The following DPYD variants were observed in gnomAD, a reference collection of about 807,000 sequenced individuals.
The protein encoded by DPYD is dihydropyrimidine dehydrogenase [NADP(+)].
In DPYD, 109 loss-of-function variants were observed where a neutral mutation model predicts 116.2. That is an observed-to-expected ratio of 0.94 (90% CI 0.80 to 1.10). The LOEUF is 1.10. Ranked by LOEUF, DPYD falls within the 50% of genes least tolerant of loss-of-function variation. The pLI, the probability that DPYD is intolerant of heterozygous loss-of-function variation, is 0.00. For synonymous variants in DPYD, 440 were observed against 432.0 expected (o/e 1.02, Z -0.23); for missense variants, 1,302 against 1,254.5 (o/e 1.04, Z -0.57).
At chr1:97,823,981 G>T (rs1256022390) in intron 3 of DPYD, among the ~76,000 whole-genome samples, 7 of 150,486 alleles carry the variant, frequency 4.7e-5, no homozygotes, top group African/African-American at 1.7e-4. Context: ...AACTACTTGG[G>T]GTACTTCATC....
At chr1:97,485,377 T>C (rs938839496) in intron 13 of DPYD, among the ~76,000 whole-genome samples, 3 of 152,058 alleles carry the variant, frequency 2.0e-5, no homozygotes, top group Non-Finnish European at 4.4e-5. Flanking sequence ...AATTTTTCTA[T>C]GTTTAGTAGA....
At chr1:97,229,208 AAAAAAAAAAAAG>A (rs1413726762) in intron 19 of DPYD, among the ~76,000 whole-genome samples, 26 of 143,380 alleles carry the variant, frequency 1.8e-4, no homozygotes, top group African/African-American at 6.8e-4. Context: ...CTTCTCAAAA[AAAAAAAAAAAAG>A]AAAAAAAAAA....
intron 18 of DPYD, among the ~76,000 whole-genome samples, chr1:97,289,279 T>A (rs1289058987): frequency 6.6e-6 from 1 of 152,004 alleles, no homozygotes; most frequent in Non-Finnish European, 1.5e-5. Flanking sequence ...CTGGTACCAT[T>A]CCTTCTGAAA....
At chr1:97,826,740 A>G (rs1669261787) in intron 3 of DPYD, among the ~76,000 whole-genome samples, 1 of 152,142 alleles carries the variant, frequency 6.6e-6, no homozygotes, top group Non-Finnish European at 1.5e-5. Flanking sequence ...TTAATTTGCT[A>G]AAATTTTCAA....
chr1:97,896,966 T>A (rs1441721719), intron 1 of DPYD, among the ~76,000 whole-genome samples: 1 of 151,996 alleles, frequency 6.6e-6, no homozygotes, highest in African/African-American at 2.4e-5. Flanking sequence ...AAAAATCATA[T>A]ATCTACCTAT....
At chr1:97,559,394 A>G (rs1365262963) in intron 11 of DPYD, among the ~76,000 whole-genome samples, 1 of 152,144 alleles carries the variant, frequency 6.6e-6, no homozygotes, top group Non-Finnish European at 1.5e-5. Flanking sequence ...AATCAAATGG[A>G]AAAGATTCCC....
chr1:97,853,290 C>T (rs1670659619), intron 2 of DPYD, among the ~76,000 whole-genome samples: 1 of 152,190 alleles, frequency 6.6e-6, no homozygotes, highest in South Asian at 2.1e-4. Context: ...TTAAATCAAT[C>T]CTTCAGAAAC....
intron 5 of DPYD, chr1:97,719,680 C>T (rs1662814380): frequency 1.0e-6 from 1 of 984,126 alleles, no homozygotes; most frequent in South Asian, 4.7e-5. Context: ...AAACCACACA[C>T]TGACCTAGGG....
At chr1:97,122,410 T>A (rs1273324099) in intron 20 of DPYD, among the ~76,000 whole-genome samples, 1 of 152,178 alleles carries the variant, frequency 6.6e-6, no homozygotes, top group African/African-American at 2.4e-5. Flanking sequence ...AGTACTAGGC[T>A]ATAAAGCTTA....
At chr1:97,533,055 T>C (rs1275636548) in intron 12 of DPYD, among the ~76,000 whole-genome samples, 1 of 151,260 alleles carries the variant, frequency 6.6e-6, no homozygotes, top group Non-Finnish European at 1.5e-5. Context: ...TTGCATTAAG[T>C]TTTTTTTTAT....
rs1220608789 is a variant in DPYD at position 97,699,373 on chromosome 1, G to A, written c.658C>T (p.Gln220Ter). ...TACCTTAAACCACCAACATATTCTTGTTTTTCAAATATAGTGATGTCAGAG... is the reference window on the plus strand; with the variant it reads ...TACCTTAAACCACCAACATATTCTTATTTTTCAAATATAGTGATGTCAGAG... Reference protein sequence around the residue: ...GYSDITIFEKQEYVGGLSTSE... With the variant: ...GYSDITIFEK Residue 220 changes from glutamine (Q) to a stop codon, truncating the protein, a stop_gained, in exon 6 of 23, where the codon CAA (glutamine) becomes TAA (stop). Transcript: ENST00000370192. LOFTEE classifies it high-confidence loss of function. 1 of 1,613,524 alleles carries A rather than the reference G, an allele frequency of 6.2e-7. No homozygotes were observed. Among genetic ancestry groups the A allele is most frequent in the South Asian group, 1.1e-5 (1 of 91,062 alleles).
At chr1:97,415,494 G>C (rs1674243233) in intron 14 of DPYD, among the ~76,000 whole-genome samples, 1 of 152,046 alleles carries the variant, frequency 6.6e-6, no homozygotes, top group Non-Finnish European at 1.5e-5. Context: ...GCTAGTTTTT[G>C]TATTTTTGGG....
In DPYD at chr1:97,592,306, C is replaced by T. The variant is rs774022390; in HGVS notation, c.1128+912G>A. Among the ~76,000 whole-genome samples the T allele has an allele frequency of 2.8e-4, 42 of 152,096 alleles. No homozygotes were observed. The Middle Eastern group carries it at 0.014, about 49-fold the overall frequency. ...GAAGTGTGTAGTACATGTAAATAGC[C>T]GATACCTCACCCAAGACTACTCACC... On this transcript the variant is annotated intron_variant, in intron 10 of 22. Coordinates refer to ENST00000370192, the MANE Select transcript of DPYD (RefSeq NM_000110.4).
In DPYD at chr1:97,283,640, G is replaced by A. The variant is rs960907626; in HGVS notation, c.2299+21619C>T. Among the ~76,000 whole-genome samples, 6 of 151,884 alleles carry A rather than the reference G, an allele frequency of 4.0e-5. No individual in the cohort carries two copies. The South Asian group carries it at 6.2e-4, about 16-fold the overall frequency. ...TAATATAACTCAATTTGAAATAAAC[G>A]CTGTATTTACTATGAGTCTTCTACT... On this transcript the variant is annotated intron_variant, in intron 18 of 22. Transcript: ENST00000370192.
chr1:97,684,803 T>A (rs570498812), intron 7 of DPYD, among the ~76,000 whole-genome samples: 1 of 152,236 alleles, frequency 6.6e-6, no homozygotes, highest in African/African-American at 2.4e-5. Flanking sequence ...AGGAAGAAGT[T>A]GAATCCCTGA....
At chr1:97,489,495 T>C (rs941571398) in intron 13 of DPYD, among the ~76,000 whole-genome samples, 2 of 152,172 alleles carry the variant, frequency 1.3e-5, no homozygotes, top group Non-Finnish European at 2.9e-5. Context: ...TTCATAAGAT[T>C]GGCAAATTTT....
intron 3 of DPYD, among the ~76,000 whole-genome samples, chr1:97,824,862 T>C (rs1235618608): frequency 1.3e-5 from 2 of 152,224 alleles, no homozygotes; most frequent in East Asian, 1.9e-4. Context: ...TTGGAAATCA[T>C]ATGCCTTCCC....
intron 16 of DPYD, among the ~76,000 whole-genome samples, chr1:97,357,002 T>G (rs1449970260): frequency 6.6e-6 from 1 of 152,124 alleles, no homozygotes; most frequent in Non-Finnish European, 1.5e-5. Context: ...CTATTCAGGG[T>G]TTTTTTGCAG....
chr1:97,546,512 C>A (rs1650878515), intron 12 of DPYD: 2 of 1,600,014 alleles, frequency 1.2e-6, no homozygotes, highest in Non-Finnish European at 1.7e-6. Context: ...GATGATGAAG[C>A]AGAGTGGCAA....
Sources: allele counts gnomAD v4.1 joint callset (sites outside exome capture counted in the v4.1 genomes callset), GRCh38; gene constraint gnomAD v4.1.1; transcripts MANE v1.5; gene names NCBI Gene and HGNC (gene_info 2026-07-23, HGNC 2026-07-21).